The following HORMAD2 variants were observed in gnomAD, a reference collection of about 807,000 sequenced individuals.
HORMAD2 encodes the protein HORMA domain-containing protein 2.
In HORMAD2, 45 loss-of-function variants were observed where a neutral mutation model predicts 38.8. The ratio of observed to expected loss-of-function variants is 1.16; its 90% CI spans 0.91 to 1.49. The LOEUF (loss-of-function observed/expected upper bound fraction) is 1.49, where lower values mean the gene tolerates loss of function less well. Among genes scored for constraint, HORMAD2 ranks in the 40% most tolerant of loss-of-function variants. HORMAD2 has a pLI of 0.00. For missense variants in HORMAD2, 338 were observed against 367.0 expected, an observed-to-expected ratio of 0.92 and a Z score of 0.65; for synonymous variants, 126 against 122.8, an observed-to-expected ratio of 1.03 and a Z score of -0.17.
At chr22:30,107,829 C>A (rs1921312376) in intron 5 of HORMAD2, among the ~76,000 whole-genome samples, 1 of 151,638 alleles carries the variant, frequency 6.6e-6, no homozygotes, top group South Asian at 2.1e-4. Flanking sequence ...AAAGGTGTTC[C>A]CCTGTAAGAG....
chr22:30,203,608 G>A, the HORMAD2 span, among the ~76,000 whole-genome samples: 1 of 152,042 alleles, frequency 6.6e-6, no homozygotes, highest in Non-Finnish European at 1.5e-5. Flanking sequence ...CACCCTTCCG[G>A]CACATGCATC....
chr22:30,125,068 A>G (rs894119770), intron 10 of HORMAD2, among the ~76,000 whole-genome samples: 3 of 151,834 alleles, frequency 2.0e-5, no homozygotes, highest in East Asian at 1.9e-4. Flanking sequence ...ATAGCTGTTC[A>G]TGTCTTTCAT....
chr22:30,129,231 AAAAAAAAAAAAAAAAAAAAAAAAAAG>A (rs1390010563), intron 10 of HORMAD2, among the ~76,000 whole-genome samples: 1 of 68,148 alleles, frequency 1.5e-5, no homozygotes, highest in Non-Finnish European at 2.6e-5. Flanking sequence ...AAAAAAAAAA[AAAAAAAAAAAAAAAAAAAAAAAAAAG>A]AGAGAGAGAG....
Position 30,174,891 on chromosome 22 carries a change from G to A in HORMAD2, c.820-1172G>A, listed in dbSNP as rs551281638. 1.2e-4 allele frequency among the ~76,000 whole-genome samples: 19 copies of A among 152,044 alleles called. No individual in the cohort carries two copies. The East Asian group carries it at 3.1e-3, about 25-fold the overall frequency. On this transcript the variant is annotated intron_variant, in intron 10 of 10. Coordinates refer to ENST00000336726, the MANE Select transcript of HORMAD2 (RefSeq NM_152510.4). Reference sequence around the variant, plus strand: ...TTCAAATTTTTACATGTAAGTAAACGAGTTATTTGAGGGGCTGCTCTATAT... The same window carrying A: ...TTCAAATTTTTACATGTAAGTAAACAAGTTATTTGAGGGGCTGCTCTATAT...
At chr22:30,193,824 TGAGTGGAATGCTAACAAAA>T in the HORMAD2 span, among the ~76,000 whole-genome samples, 1 of 152,194 alleles carries the variant, frequency 6.6e-6, no homozygotes, top group Non-Finnish European at 1.5e-5. Context: ...TGAGTTTTCA[TGAGTGGAATGCTAACAAAA>T]GATCTTCTGT....
At chr22:30,147,865 T>G (rs1332647458) in intron 10 of HORMAD2, among the ~76,000 whole-genome samples, 1 of 152,176 alleles carries the variant, frequency 6.6e-6, no homozygotes, top group East Asian at 1.9e-4. Flanking sequence ...ATTCCAGCAC[T>G]TTGGGAGGCC....
At chr22:30,152,095 C>T (rs1018941273) in intron 10 of HORMAD2, among the ~76,000 whole-genome samples, 1 of 152,072 alleles carries the variant, frequency 6.6e-6, no homozygotes, top group Non-Finnish European at 1.5e-5. Flanking sequence ...TGGCTTCTTC[C>T]CCCACCTTCA....
At chr22:30,140,917 C>G (rs1468637370) in intron 10 of HORMAD2, among the ~76,000 whole-genome samples, 1 of 152,058 alleles carries the variant, frequency 6.6e-6, no homozygotes, top group Admixed American at 6.6e-5. Context: ...GTAAATTTTC[C>G]TCTAAGCAAT....
chr22:30,093,823 C>T, intron 1 of HORMAD2, 93 bp from the exon 2 acceptor site: 3 of 582,290 alleles, frequency 5.2e-6, no homozygotes, highest in Non-Finnish European at 8.8e-6. Flanking sequence ...TTTTTGTTTG[C>T]TTTTAGACTT....
At chr22:30,136,998 T>C in intron 10 of HORMAD2, 2 of 480,372 alleles carry the variant, frequency 4.2e-6, no homozygotes, top group Non-Finnish European at 7.5e-6. Flanking sequence ...TTAGTGTCAA[T>C]TGTAAGAAGT....
chr22:30,151,925 A>T (rs1924775964), intron 10 of HORMAD2, among the ~76,000 whole-genome samples: 1 of 152,202 alleles, frequency 6.6e-6, no homozygotes, highest in Non-Finnish European at 1.5e-5. Flanking sequence ...AAGGAGAAAA[A>T]TTTGAATGAA....
chr22:30,090,597 A>G (rs933391510), intron 1 of HORMAD2, among the ~76,000 whole-genome samples: 3 of 152,162 alleles, frequency 2.0e-5, no homozygotes, highest in African/African-American at 7.2e-5. Context: ...AATTCTGTTT[A>G]ACTTTTTGAG....
intron 8 of HORMAD2, 94 bp downstream of exon 8, chr22:30,119,141 C>G: frequency 1.3e-6 from 1 of 762,572 alleles, no homozygotes; most frequent in Non-Finnish European, 2.2e-6. Context: ...TACTTCTTTA[C>G]ACATTTCCCC....
chr22:30,126,383 G>T (rs1240462888), intron 10 of HORMAD2, among the ~76,000 whole-genome samples: 1 of 152,102 alleles, frequency 6.6e-6, no homozygotes. Flanking sequence ...TAGCCAGGAT[G>T]GTCTTGATCT....
At chr22:30,207,020 C>T in the HORMAD2 span, 2 of 468,660 alleles carry the variant, frequency 4.3e-6, no homozygotes, top group Admixed American at 2.4e-5. Flanking sequence ...GCAGCCTCCA[C>T]CCGTCCCCTC....
chr22:30,184,817 A>T, the HORMAD2 span: 1 of 152,228 alleles, frequency 6.6e-6, no homozygotes, highest in Non-Finnish European at 1.5e-5. Context: ...AAAAGATAAC[A>T]GCAGGTTAAG....
intron 10 of HORMAD2, among the ~76,000 whole-genome samples, chr22:30,166,701 A>G (rs958705075): frequency 1.3e-5 from 2 of 152,252 alleles, no homozygotes; most frequent in African/African-American, 4.8e-5. Flanking sequence ...CAATTTGTTT[A>G]CAAATATTTC....
the HORMAD2 span, among the ~76,000 whole-genome samples, chr22:30,188,148 G>C: frequency 6.6e-6 from 1 of 152,176 alleles, no homozygotes; most frequent in East Asian, 1.9e-4. Flanking sequence ...AGCCAAGACA[G>C]TAGTGGTCAT....
intron 10 of HORMAD2, among the ~76,000 whole-genome samples, chr22:30,132,444 G>A (rs1317471687): frequency 2.0e-5 from 3 of 151,460 alleles, no homozygotes; most frequent in South Asian, 2.1e-4. Context: ...TAGCCAGCAC[G>A]AGAATCGTTT....
Sources: gnomAD v4.1 joint callset for allele counts (sites outside exome capture counted in the v4.1 genomes callset) on GRCh38, gnomAD v4.1.1 for gene constraint, MANE v1.5 for transcripts, NCBI Gene and HGNC (gene_info 2026-07-23, HGNC 2026-07-21) for gene names.